The following FGGY variants were observed in gnomAD, a reference collection of about 807,000 sequenced individuals.
FGGY encodes FGGY carbohydrate kinase domain containing.
In FGGY, 72 loss-of-function variants were observed where a neutral mutation model predicts 71.3. The observed-to-expected ratio is 1.01, with a 90% CI of 0.84 to 1.23. FGGY has a LOEUF of 1.23. FGGY is among the 50% of genes most tolerant of loss of function. The probability of loss-of-function intolerance (pLI) is 0.00; values close to 1 mark genes in which losing one functional copy is unlikely to be tolerated. For synonymous variants in FGGY, 251 were observed against 250.3 expected (o/e 1.00, Z -0.02); for missense variants, 668 against 682.3 (o/e 0.98, Z 0.23).
rs74603005 is a variant in FGGY, at chr1:59,407,543, A to T, written c.554+28706A>T. 3.8e-3 allele frequency among the ~76,000 whole-genome samples: 571 copies of T among 152,216 alleles called. 14 individuals carry two copies. The East Asian group carries it at 0.055, about 15-fold the overall frequency. ...TGATTCCCTTGAACCTGACTAGCTC[A>T]TCCACGGGGAGAGAGAAAAAAAAAT... On this transcript the variant is annotated intron_variant, in intron 5 of 15. Coordinates refer to ENST00000303721, the MANE Select transcript of FGGY (RefSeq NM_018291.5).
chr1:59,547,945 C>T (rs974640301), intron 7 of FGGY, among the ~76,000 whole-genome samples: 1 of 152,166 alleles, frequency 6.6e-6, no homozygotes, highest in Non-Finnish European at 1.5e-5. Flanking sequence ...AAATAGTGAG[C>T]TACTGCAGTG....
At chr1:59,525,166 G>A (rs1430397274) in intron 7 of FGGY, among the ~76,000 whole-genome samples, 1 of 152,234 alleles carries the variant, frequency 6.6e-6, no homozygotes, top group African/African-American at 2.4e-5. Flanking sequence ...GCCAGCACCT[G>A]TAGCTGCCTC....
intron 14 of FGGY, among the ~76,000 whole-genome samples, chr1:59,727,412 A>G (rs1167965001): frequency 6.6e-6 from 1 of 152,150 alleles, no homozygotes; most frequent in Non-Finnish European, 1.5e-5. Flanking sequence ...ATACCCAGTA[A>G]TGGGATTGTT....
intron 14 of FGGY, among the ~76,000 whole-genome samples, chr1:59,741,653 A>T (rs1253239081): frequency 2.6e-5 from 4 of 152,144 alleles, no homozygotes; most frequent in African/African-American, 7.2e-5. Flanking sequence ...ATAATTTTTT[A>T]AAAATTGCCA....
In FGGY at chr1:59,582,573, C is replaced by T. The variant is rs1053930622; in HGVS notation, c.904-25230C>T. On this transcript the variant is annotated intron_variant, in intron 8 of 15. Transcript: ENST00000303721. ...TATAGCACCCTTCCCTCTACTCCTT[C>T]TCCTAAGTCCTACTTACCCTTCACA... Among the ~76,000 whole-genome samples the T allele has an allele frequency of 1.1e-4, 17 of 149,808 alleles. 3 individuals are homozygous for T. Among genetic ancestry groups the T allele is most frequent in the African/African-American group, 4.0e-4 (16 of 39,588 alleles).
intron 9 of FGGY, among the ~76,000 whole-genome samples, chr1:59,622,135 T>C (rs2096815889): frequency 6.6e-6 from 1 of 152,130 alleles, no homozygotes; most frequent in Middle Eastern, 3.2e-3. Flanking sequence ...TCAGATATTG[T>C]ATTTAATCAA....
At chr1:59,572,327 G>A (rs566973071) in intron 8 of FGGY, among the ~76,000 whole-genome samples, 1 of 152,202 alleles carries the variant, frequency 6.6e-6, no homozygotes, top group South Asian at 2.1e-4. Context: ...TGTTCAGAAA[G>A]AGAGTACAGA....
At chr1:59,710,841 T>G (rs913450360) in intron 14 of FGGY, among the ~76,000 whole-genome samples, 1 of 152,206 alleles carries the variant, frequency 6.6e-6, no homozygotes, top group Non-Finnish European at 1.5e-5. Flanking sequence ...ACACTGTTTT[T>G]GGGAATATAA....
In FGGY at chr1:59,542,828, C is replaced by CGG. The variant is rs1398085627; in HGVS notation, c.800-11295_800-11294insGG. Among the ~76,000 whole-genome samples the CGG allele has an allele frequency of 2.6e-5, 4 of 152,200 alleles. No homozygotes were observed. The East Asian group carries it at 7.7e-4, about 29-fold the overall frequency. The stretch of plus-strand genomic sequence containing the variant: ...AGGCCCAAAAAACTCAGTTCATTTG[C>CGG]GTGAGGTCATGTAAATGGTGATATC... On this transcript the variant is annotated intron_variant, in intron 7 of 15. Transcript: ENST00000303721.
At chr1:59,555,712 A>G (rs2095674074) in intron 8 of FGGY, among the ~76,000 whole-genome samples, 1 of 152,166 alleles carries the variant, frequency 6.6e-6, no homozygotes. Flanking sequence ...AAATTGCAGC[A>G]TATTTGGCCA....
At chr1:59,616,486 T>A (rs2096755783) in intron 9 of FGGY, among the ~76,000 whole-genome samples, 1 of 151,684 alleles carries the variant, frequency 6.6e-6, no homozygotes, top group Admixed American at 6.6e-5. Context: ...TGCTGTGGGG[T>A]GAGGGGAGTG....
At chr1:59,452,715 G>A (rs1225058362) in intron 5 of FGGY, among the ~76,000 whole-genome samples, 1 of 152,182 alleles carries the variant, frequency 6.6e-6, no homozygotes. Context: ...CCTGGCACTT[G>A]GGCTGGCAGT....
chr1:59,453,240 G>T (rs1006246442), intron 5 of FGGY, among the ~76,000 whole-genome samples: 4 of 152,240 alleles, frequency 2.6e-5, no homozygotes, highest in African/African-American at 7.2e-5. Flanking sequence ...AATGAAGGAG[G>T]GAGTTGCCAG....
intron 5 of FGGY, among the ~76,000 whole-genome samples, chr1:59,435,286 C>A (rs1344267118): frequency 6.6e-6 from 1 of 152,162 alleles, no homozygotes; most frequent in Admixed American, 6.5e-5. Flanking sequence ...TAATAAAATG[C>A]AACGTGTATG....
Position 59,339,964 on chromosome 1 carries a change from G to T in FGGY, c.208G>T (p.Val70Leu), listed in dbSNP as rs1234739199. The change falls in exon 3 of 16, where the codon GTA becomes TTA. Residue 70 changes from valine to leucine, a missense_variant. By Grantham distance (32) the Val-to-Leu change is conservative (BLOSUM62 1). Transcript: ENST00000303721. ...TTATTTGTTTTTAAAACAGAAAGTT[G>T]TACAAGGGATTGATTTAAACCAAAT... ...AACCVVTKKV[V>L]QGIDLNQIRG... 2 of 1,606,310 alleles carry T rather than the reference G, an allele frequency of 1.2e-6. No homozygotes were observed. Among genetic ancestry groups the T allele is most frequent in the Non-Finnish European group, 1.7e-6 (2 of 1,174,002 alleles).
At chr1:59,325,322 A>G (rs377033797) in intron 2 of FGGY, among the ~76,000 whole-genome samples, 1 of 151,940 alleles carries the variant, frequency 6.6e-6, no homozygotes, top group African/African-American at 2.4e-5. Flanking sequence ...GCGCCATTGC[A>G]CTCCAGCCTG....
intron 8 of FGGY, among the ~76,000 whole-genome samples, chr1:59,583,147 G>A (rs1284459393): frequency 7.0e-6 from 1 of 142,964 alleles, no homozygotes; most frequent in African/African-American, 2.7e-5. Flanking sequence ...AATGCCTGCA[G>A]GTCCTTTTAT....
chr1:59,553,332 G>T (rs543241807), intron 7 of FGGY, among the ~76,000 whole-genome samples: 1 of 152,262 alleles, frequency 6.6e-6, no homozygotes, highest in South Asian at 2.1e-4. Flanking sequence ...CATAGAAGGG[G>T]CTTATTGGAT....
intron 14 of FGGY, among the ~76,000 whole-genome samples, chr1:59,676,161 C>T (rs1326556156): frequency 1.3e-5 from 2 of 152,060 alleles, no homozygotes; most frequent in Non-Finnish European, 2.9e-5. Context: ...AGATAAGACA[C>T]CTCATTTAAT....
Sources: allele counts gnomAD v4.1 joint callset (sites outside exome capture counted in the v4.1 genomes callset), GRCh38; gene constraint gnomAD v4.1.1; transcripts MANE v1.5; gene names NCBI Gene and HGNC (gene_info 2026-07-23, HGNC 2026-07-21).